Variants in SYTL3 observed in about 807,000 individuals in gnomAD.
The protein encoded by SYTL3 is synaptotagmin like 3.
SYTL3 carries 88 observed loss-of-function variants against 82.1 expected under a neutral mutation model. The observed-to-expected ratio is 1.07, with a 90% CI of 0.90 to 1.28. SYTL3 has a LOEUF of 1.28. SYTL3 is among the 50% of genes most tolerant of loss of function. SYTL3 has a pLI of 0.00. For missense variants in SYTL3, 831 were observed against 757.6 expected (o/e 1.10, Z -1.14); for synonymous variants, 311 against 289.4 (o/e 1.07, Z -0.76).
At chr6:158,734,228 T>C (rs1346659203) in intron 11 of SYTL3, among the ~76,000 whole-genome samples, 1 of 151,946 alleles carries the variant, frequency 6.6e-6, no homozygotes, top group Non-Finnish European at 1.5e-5. Context: ...ATTTTACTTA[T>C]AATAGGGGTG....
chr6:158,655,357 C>G lies in SYTL3; in HGVS notation c.-637+3515C>G, dbSNP rs144337360. 4.2e-3 allele frequency among the ~76,000 whole-genome samples: 641 copies of G among 152,212 alleles called. 1 individual carries two copies. The highest frequency in any genetic ancestry group is 6.6e-3 in the Non-Finnish European group (451 of 68,010). ...TTGACATCGGAGTAAATCTCCGTGTCGCAATATTCTTCAGGTTTCTCAATT... is the reference window on the plus strand; with the variant it reads ...TTGACATCGGAGTAAATCTCCGTGTGGCAATATTCTTCAGGTTTCTCAATT... On this transcript the variant is annotated intron_variant, in intron 2 of 17. Transcript: ENST00000611299.
intron 6 of SYTL3, among the ~76,000 whole-genome samples, chr6:158,693,862 T>C (rs1409891058): frequency 7.2e-6 from 1 of 138,548 alleles, no homozygotes; most frequent in African/African-American, 2.9e-5. Context: ...TTTCTTTTTT[T>C]TTTTTTTTTT....
rs371186233 is a variant in SYTL3, at chr6:158,725,601, G to C, written c.819G>C (p.Pro273=). 1 of 1,614,128 alleles carries C rather than the reference G, an allele frequency of 6.2e-7. No homozygotes were observed. The highest frequency in any genetic ancestry group is 1.1e-5 in the South Asian group (1 of 91,076). Residue 273 remains proline (P), a synonymous_variant, in exon 11 of 18, where the codon CCG becomes CCC. Coordinates refer to ENST00000611299, the MANE Select transcript of SYTL3 (RefSeq NM_001242394.2). The part of the protein sequence containing the change: ...ILKQQNLPSS[P]APSTIFSGGF... ...AGCAACAGAATCTCCCATCCAGTCC[G>C]GCACCCAGTACCATATTCTCTGGAG...
chr6:158,654,958 A>T (rs1788496971), intron 2 of SYTL3, among the ~76,000 whole-genome samples: 1 of 152,160 alleles, frequency 6.6e-6, no homozygotes, highest in South Asian at 2.1e-4. Context: ...CACCATTACA[A>T]AAATGTAGCA....
At chr6:158,682,092 A>G (rs1401217391) in intron 5 of SYTL3, among the ~76,000 whole-genome samples, 1 of 152,048 alleles carries the variant, frequency 6.6e-6, no homozygotes, top group Admixed American at 6.6e-5. Flanking sequence ...GGCATGTGCC[A>G]CCATGCCTGG....
chr6:158,675,987 C>T (rs930668345), intron 5 of SYTL3, among the ~76,000 whole-genome samples: 21 of 152,214 alleles, frequency 1.4e-4, no homozygotes, highest in African/African-American at 5.1e-4. Flanking sequence ...AATGGCCATA[C>T]TGCCCAAGGT....
chr6:158,671,029 C>G (rs143602147), intron 5 of SYTL3, among the ~76,000 whole-genome samples: 10,536 of 151,950 alleles, frequency 0.069, 668 homozygotes, highest in African/African-American at 0.16. Context: ...TGGTCTTGAT[C>G]TCCTGATCTA....
At chr6:158,678,618 G>T (rs747990043) in intron 5 of SYTL3, among the ~76,000 whole-genome samples, 5 of 152,164 alleles carry the variant, frequency 3.3e-5, no homozygotes, top group Non-Finnish European at 7.3e-5. Flanking sequence ...AGCATTAACA[G>T]AATTCAGGGC....
chr6:158,718,149 C>G lies in SYTL3; in HGVS notation c.658C>G (p.Gln220Glu), dbSNP rs949090506. 4 of 1,546,846 alleles carry G rather than the reference C, an allele frequency of 2.6e-6. No individual in the cohort carries two copies. The highest frequency in any genetic ancestry group is 1.4e-5 in the African/African-American group (1 of 72,870). The change falls in exon 10 of 18, where the codon CAG becomes GAG. Residue 220 changes from glutamine to glutamate, a missense_variant. Coordinates refer to ENST00000611299, the MANE Select transcript of SYTL3 (RefSeq NM_001242394.2). ...EKHLLATGPR[Q>E]CVGQTERRSQ... ...GCATCTTCTCGCCACGGGCCCCAGG[C>G]AGTGTGTGGGACAGACAGAGAGACG... is the stretch of plus-strand genomic sequence containing the variant.
intron 6 of SYTL3, among the ~76,000 whole-genome samples, chr6:158,696,290 C>G (rs1009971828): frequency 6.6e-6 from 1 of 151,942 alleles, no homozygotes; most frequent in South Asian, 2.1e-4. Flanking sequence ...ATTTCTGCCT[C>G]CAGGGTTCAA....
intron 9 of SYTL3, among the ~76,000 whole-genome samples, chr6:158,715,733 C>T (rs374787765): frequency 2.0e-5 from 3 of 149,976 alleles, no homozygotes; most frequent in East Asian, 4.0e-4. Flanking sequence ...TGACCTTTCC[C>T]GAGTGCTTCC....
intron 2 of SYTL3, among the ~76,000 whole-genome samples, chr6:158,658,631 G>A (rs1270771244): frequency 1.3e-5 from 2 of 152,044 alleles, no homozygotes; most frequent in African/African-American, 4.8e-5. Context: ...AAGTTAAACA[G>A]AAGAGTACGT....
At position 158,677,961 on chromosome 6, in the gene SYTL3, C is replaced by T. The variant is rs74371665; in HGVS notation, c.330-4964C>T. On this transcript the variant is annotated intron_variant, in intron 5 of 17. Coordinates refer to ENST00000611299, the MANE Select transcript of SYTL3 (RefSeq NM_001242394.2). ...CTGGAGTGCAGTGGTACAATCTTGG[C>T]TCACTGTAAATTCCACCTCCTGGGC... Among the ~76,000 whole-genome samples, 3 of 152,102 alleles carry T rather than the reference C, an allele frequency of 2.0e-5. No individual in the cohort carries two copies. The South Asian group carries it at 6.2e-4, about 31-fold the overall frequency.
chr6:158,740,812 C>T (rs1169728262), intron 11 of SYTL3, among the ~76,000 whole-genome samples: 1 of 152,122 alleles, frequency 6.6e-6, no homozygotes, highest in African/African-American at 2.4e-5. Context: ...TCAAACACAT[C>T]TTTATTAATA....
At chr6:158,665,321 C>A in intron 4 of SYTL3, 74 bp from the exon 5 acceptor site, 1 of 1,417,654 alleles carries the variant, frequency 7.1e-7, no homozygotes, top group Non-Finnish European at 9.6e-7. Flanking sequence ...GGGGTTACTG[C>A]CTGGGCTCTT....
At chr6:158,700,606 T>TTGTATGTA (rs372578210) in intron 6 of SYTL3, among the ~76,000 whole-genome samples, 17 of 151,944 alleles carry the variant, frequency 1.1e-4, no homozygotes, top group Non-Finnish European at 1.8e-4. Flanking sequence ...GCTACTGATG[T>TTGTATGTA]TGTATGTATG....
intron 11 of SYTL3, among the ~76,000 whole-genome samples, chr6:158,743,888 G>A (rs1176181848): frequency 2.0e-5 from 3 of 152,022 alleles, no homozygotes; most frequent in Non-Finnish European, 2.9e-5. Flanking sequence ...TCAGGTTCCA[G>A]CCTGTCTGAT....
chr6:158,726,394 C>T, intron 11 of SYTL3: 1 of 236,716 alleles, frequency 4.2e-6, no homozygotes, highest in Non-Finnish European at 8.4e-6. Flanking sequence ...TCTAAAGGAA[C>T]ACCTCATTGC....
intron 2 of SYTL3, among the ~76,000 whole-genome samples, chr6:158,653,581 C>T (rs1432732530): frequency 1.3e-5 from 2 of 152,134 alleles, no homozygotes; most frequent in African/African-American, 4.8e-5. Flanking sequence ...ACAATGCAGT[C>T]ACTCAACTTT....
Sources: gnomAD v4.1 joint callset for allele counts (sites outside exome capture counted in the v4.1 genomes callset) on GRCh38, gnomAD v4.1.1 for gene constraint, MANE v1.5 for transcripts, NCBI Gene and HGNC (gene_info 2026-07-23, HGNC 2026-07-21) for gene names.